Variants in KCNT2 observed in about 807,000 individuals in gnomAD.
The protein encoded by KCNT2 is potassium channel subfamily T member 2.
A neutral mutation model predicts 153.8 loss-of-function variants in KCNT2; 67 were observed. The observed-to-expected ratio is 0.44, with a 90% CI of 0.36 to 0.53. The LOEUF is 0.53. Among genes scored for constraint, KCNT2 ranks in the 20% least tolerant of loss-of-function variants. The pLI is 0.00. For missense variants in KCNT2, 975 were observed against 1,354.8 expected (o/e 0.72, Z 4.40); for synonymous variants, 500 against 458.8 (o/e 1.09, Z -1.15).
At chr1:196,302,838 T>C (rs1661310661) in intron 22 of KCNT2, among the ~76,000 whole-genome samples, 1 of 151,998 alleles carries the variant, frequency 6.6e-6, no homozygotes, top group Non-Finnish European at 1.5e-5. Flanking sequence ...TTTAACATAA[T>C]ATGGTAACAA....
chr1:196,279,745 A>G (rs1402205354), intron 25 of KCNT2, among the ~76,000 whole-genome samples: 1 of 151,478 alleles, frequency 6.6e-6, no homozygotes, highest in East Asian at 1.9e-4. Context: ...TCCATTTAAC[A>G]CTCCTGAAGC....
chr1:196,402,177 G>A (rs1428281079), intron 12 of KCNT2, among the ~76,000 whole-genome samples: 1 of 151,346 alleles, frequency 6.6e-6, no homozygotes, highest in Non-Finnish European at 1.5e-5. Context: ...TACAAGAAAA[G>A]TTTAAGAAAA....
chr1:196,429,291 ATATT>A (rs1226188367), intron 9 of KCNT2, among the ~76,000 whole-genome samples: 2 of 152,002 alleles, frequency 1.3e-5, no homozygotes, highest in Non-Finnish European at 2.9e-5. Context: ...ATGTTATTCT[ATATT>A]TAATATAATT....
At chr1:196,306,717 GT>G (rs900001405) in intron 21 of KCNT2, among the ~76,000 whole-genome samples, 3 of 149,216 alleles carry the variant, frequency 2.0e-5, no homozygotes, top group African/African-American at 2.5e-5. Context: ...AAGAGTTTTG[GT>G]TTTTTTTTGT....
At chr1:196,579,929 A>G (rs1014152333) in intron 1 of KCNT2, among the ~76,000 whole-genome samples, 4 of 152,184 alleles carry the variant, frequency 2.6e-5, no homozygotes, top group African/African-American at 7.2e-5. Context: ...GGTCCTCTCA[A>G]TAGAAACATG....
intron 17 of KCNT2, among the ~76,000 whole-genome samples, chr1:196,332,930 G>A (rs1178251815): frequency 7.9e-5 from 12 of 151,342 alleles, no homozygotes; most frequent in African/African-American, 1.9e-4. Flanking sequence ...GATTGCAGGC[G>A]CGCACCACCA....
At chr1:196,502,899 A>T (rs185177889) in intron 1 of KCNT2, among the ~76,000 whole-genome samples, 17 of 152,202 alleles carry the variant, frequency 1.1e-4, no homozygotes, top group African/African-American at 3.6e-4. Flanking sequence ...GAATAATTAT[A>T]AAGGTATATT....
chr1:196,462,569 T>C (rs1454210901), intron 8 of KCNT2, among the ~76,000 whole-genome samples: 2 of 151,658 alleles, frequency 1.3e-5, no homozygotes, highest in Non-Finnish European at 3.0e-5. Flanking sequence ...GAGAATTTAA[T>C]CATCTTTTAT....
chr1:196,537,336 T>C (rs1179201535), intron 1 of KCNT2, among the ~76,000 whole-genome samples: 1 of 152,198 alleles, frequency 6.6e-6, no homozygotes, highest in Non-Finnish European at 1.5e-5. Context: ...CCTTGCTTTC[T>C]GGAAAAGAAT....
chr1:196,559,322 G>C (rs185756954), intron 1 of KCNT2, among the ~76,000 whole-genome samples: 1 of 151,576 alleles, frequency 6.6e-6, no homozygotes, highest in African/African-American at 2.4e-5. Flanking sequence ...GGGATACGTG[G>C]TATTTTATGC....
chr1:196,571,825 T>C, intron 1 of KCNT2, among the ~76,000 whole-genome samples: 1 of 152,100 alleles, frequency 6.6e-6, no homozygotes, highest in East Asian at 1.9e-4. Flanking sequence ...GTGATGTGAG[T>C]TCTTGAGATT....
At chr1:196,451,124 C>A (rs955868839) in intron 8 of KCNT2, among the ~76,000 whole-genome samples, 7 of 150,438 alleles carry the variant, frequency 4.7e-5, no homozygotes, top group African/African-American at 1.7e-4. Flanking sequence ...ATTACTGCTC[C>A]AGCTCTAGCA....
intron 8 of KCNT2, among the ~76,000 whole-genome samples, chr1:196,438,302 T>C (rs1310456515): frequency 6.6e-6 from 1 of 151,754 alleles, no homozygotes; most frequent in African/African-American, 2.4e-5. Flanking sequence ...AGTCAGGGAT[T>C]ATAGAGAGAG....
intron 8 of KCNT2, among the ~76,000 whole-genome samples, chr1:196,463,086 A>G (rs1450818390): frequency 6.6e-6 from 1 of 151,764 alleles, no homozygotes; most frequent in Non-Finnish European, 1.5e-5. Flanking sequence ...AAGGAACAAG[A>G]TATAAGGAAA....
intron 14 of KCNT2, among the ~76,000 whole-genome samples, chr1:196,345,032 T>C (rs915132273): frequency 6.6e-6 from 1 of 152,142 alleles, no homozygotes. Context: ...GATGTGTATA[T>C]CCAGTCCCCA....
intron 1 of KCNT2, among the ~76,000 whole-genome samples, chr1:196,566,816 G>T (rs1478919379): frequency 1.3e-5 from 2 of 152,030 alleles, no homozygotes; most frequent in Non-Finnish European, 2.9e-5. Context: ...GTACCTTCCA[G>T]GAGAAAAGTA....
chr1:196,289,858 T>C (rs925452387), intron 22 of KCNT2, among the ~76,000 whole-genome samples: 5 of 152,130 alleles, frequency 3.3e-5, no homozygotes, highest in Admixed American at 6.6e-5. Context: ...CAAATACTTA[T>C]ATAAGTATCT....
At chr1:196,254,340 T>A (rs780321833) in intron 26 of KCNT2, among the ~76,000 whole-genome samples, 9 of 151,354 alleles carry the variant, frequency 5.9e-5, no homozygotes, top group Non-Finnish European at 1.3e-4. Flanking sequence ...ACACACTCAT[T>A]TATATTAGGA....
At chr1:196,271,613 A>G (rs934481003) in intron 25 of KCNT2, among the ~76,000 whole-genome samples, 1 of 152,016 alleles carries the variant, frequency 6.6e-6, no homozygotes. Flanking sequence ...AATCAGTAGA[A>G]CTAGAAAATA....
Sources: gnomAD v4.1 joint callset for allele counts (sites outside exome capture counted in the v4.1 genomes callset) on GRCh38, gnomAD v4.1.1 for gene constraint, MANE v1.5 for transcripts, NCBI Gene and HGNC (gene_info 2026-07-23, HGNC 2026-07-21) for gene names.